CA10: variants seen among roughly 807,000 people sequenced by gnomAD.
CA10 encodes carbonic anhydrase 10 (inactive).
Under a neutral mutation model 44.2 loss-of-function variants are expected in CA10, and 14 were observed. The ratio of observed to expected loss-of-function variants is 0.32; its 90% confidence interval spans 0.21 to 0.50. The LOEUF (loss-of-function observed/expected upper bound fraction) is 0.50, where lower values mean the gene tolerates loss of function less well. CA10 is among the 20% of genes least tolerant of loss of function. The pLI is 0.99. For missense variants in CA10, 350 were observed against 409.7 expected (o/e 0.85, Z 1.26); for synonymous variants, 159 against 141.6 (o/e 1.12, Z -0.87).
chr17:51,893,064 TGTC>T (rs1242237591), intron 3 of CA10, among the ~76,000 whole-genome samples: 5 of 152,188 alleles, frequency 3.3e-5, no homozygotes, highest in East Asian at 3.8e-4. Context: ...TTATTATTCT[TGTC>T]ATCATCAGTA....
intron 1 of CA10, among the ~76,000 whole-genome samples, chr17:52,108,194 T>TTTATATATATATA (rs1988705947): frequency 5.2e-5 from 3 of 58,038 alleles, no homozygotes; most frequent in Admixed American, 1.9e-4. Context: ...TATATATTTT[T>TTTATATATATATA]TATATATATA....
At chr17:51,797,850 C>CAAAAAAAAA (rs58344941) in intron 3 of CA10, among the ~76,000 whole-genome samples, 3 of 73,764 alleles carry the variant, frequency 4.1e-5, no homozygotes, top group Admixed American at 2.0e-4. Context: ...GGCTCCATCT[C>CAAAAAAAAA]AAAAAAAAAA....
chr17:52,062,811 A>C (rs1200570250), intron 2 of CA10, among the ~76,000 whole-genome samples: 1 of 152,244 alleles, frequency 6.6e-6, no homozygotes, highest in East Asian at 1.9e-4. Context: ...AGCCTTCTGC[A>C]GGGAAGGAGC....
At chr17:51,972,622 GAT>G (rs1192718558) in intron 2 of CA10, among the ~76,000 whole-genome samples, 1 of 152,060 alleles carries the variant, frequency 6.6e-6, no homozygotes, top group African/African-American at 2.4e-5. Context: ...TGTACTGGGT[GAT>G]CAAAAAGAGG....
In CA10 at chr17:51,635,236, G is replaced by A. The variant is rs192213402; in HGVS notation, c.789+619C>T. 9.2e-5 allele frequency among the ~76,000 whole-genome samples: 14 copies of A among 152,292 alleles called. No individual in the cohort carries two copies. The East Asian group carries it at 2.7e-3, about 29-fold the overall frequency. On this transcript the variant is annotated intron_variant, in intron 7 of 8. Transcript: ENST00000451037. ...CTTATAAAGATGGAGGTAGAGGCTG[G>A]GTGTGGTGGCTCACGCCTGTAATCC...
chr17:51,900,458 A>G (rs923517645), intron 3 of CA10, among the ~76,000 whole-genome samples: 1 of 151,926 alleles, frequency 6.6e-6, no homozygotes, highest in Non-Finnish European at 1.5e-5. Context: ...TTACTTTAAC[A>G]TTTGTTTCTT....
chr17:51,754,443 A>ATT (rs1905016700), intron 3 of CA10, among the ~76,000 whole-genome samples: 1 of 108,430 alleles, frequency 9.2e-6, no homozygotes, highest in African/African-American at 3.3e-5. Context: ...ATATATATAT[A>ATT]TATATCACGT....
In CA10 at chr17:52,025,090, C is replaced by T. The variant is rs554981059; in HGVS notation, c.136+47229G>A. On this transcript the variant is annotated intron_variant, in intron 2 of 8. Coordinates refer to ENST00000451037, the MANE Select transcript of CA10 (RefSeq NM_020178.5). ...AAACCTTCCCTCCCAACCCCTGGTCCATGGAAAAAAATGTCTTAAATATAC... is the reference window on the plus strand; with the variant it reads ...AAACCTTCCCTCCCAACCCCTGGTCTATGGAAAAAAATGTCTTAAATATAC... Among the ~76,000 whole-genome samples, 3 of 151,812 alleles carry T rather than the reference C, an allele frequency of 2.0e-5. No individual in the cohort carries two copies. In the South Asian group the frequency reaches 6.2e-4, roughly 32 times the overall value.
At chr17:52,155,522 C>T (rs1251142533) in intron 1 of CA10, among the ~76,000 whole-genome samples, 1 of 152,146 alleles carries the variant, frequency 6.6e-6, no homozygotes. Context: ...AATCATATTA[C>T]TAATAATAAT....
At chr17:52,125,172 G>T (rs550090604) in intron 1 of CA10, among the ~76,000 whole-genome samples, 1 of 152,230 alleles carries the variant, frequency 6.6e-6, no homozygotes. Flanking sequence ...CTGAGTCAGC[G>T]TTGGTGTCAG....
intron 4 of CA10, among the ~76,000 whole-genome samples, chr17:51,664,576 G>GA (rs1914143278): frequency 1.4e-5 from 2 of 147,080 alleles, no homozygotes; most frequent in Non-Finnish European, 3.0e-5. Flanking sequence ...AAAAAAAATA[G>GA]AATCTAATGC....
chr17:52,090,562 T>C (rs1181771154), intron 1 of CA10, among the ~76,000 whole-genome samples: 2 of 152,142 alleles, frequency 1.3e-5, no homozygotes, highest in East Asian at 3.8e-4. Flanking sequence ...CAAAAATTAT[T>C]ATATTTGTCA....
chr17:51,764,167 AT>A, intron 3 of CA10, among the ~76,000 whole-genome samples: 1 of 152,292 alleles, frequency 6.6e-6, no homozygotes, highest in East Asian at 1.9e-4. Context: ...TGAAACTCTT[AT>A]CATTGTCTCC....
At chr17:51,830,857 C>G (rs1908214518) in intron 3 of CA10, among the ~76,000 whole-genome samples, 1 of 152,148 alleles carries the variant, frequency 6.6e-6, no homozygotes, top group Non-Finnish European at 1.5e-5. Flanking sequence ...GTCCTCCCTG[C>G]TCAAAAACAG....
intron 2 of CA10, among the ~76,000 whole-genome samples, chr17:51,997,631 C>G (rs1985282586): frequency 6.6e-6 from 1 of 152,054 alleles, no homozygotes; most frequent in African/African-American, 2.4e-5. Context: ...GGATGGAAAA[C>G]TCATCTGGAG....
At chr17:52,093,115 A>G (rs1321164790) in intron 1 of CA10, among the ~76,000 whole-genome samples, 1 of 152,174 alleles carries the variant, frequency 6.6e-6, no homozygotes, top group African/African-American at 2.4e-5. Context: ...GTGAGGACAT[A>G]CTGTTCATAT....
intron 3 of CA10, among the ~76,000 whole-genome samples, chr17:51,822,910 A>G (rs933764340): frequency 2.0e-5 from 3 of 152,212 alleles, no homozygotes; most frequent in African/African-American, 4.8e-5. Context: ...AGATGGAATG[A>G]CAGCCAGAAT....
chr17:51,834,183 C>T (rs1908390488), intron 3 of CA10, among the ~76,000 whole-genome samples: 1 of 152,116 alleles, frequency 6.6e-6, no homozygotes, highest in Non-Finnish European at 1.5e-5. Flanking sequence ...ACTTAATCAG[C>T]CTTCAAATTG....
intron 2 of CA10, among the ~76,000 whole-genome samples, chr17:51,989,864 C>T (rs1479018851): frequency 6.6e-6 from 1 of 152,142 alleles, no homozygotes; most frequent in Non-Finnish European, 1.5e-5. Flanking sequence ...TCATGTCCAT[C>T]ATTCCTCCAA....
Sources: gnomAD v4.1 joint callset for allele counts (sites outside exome capture counted in the v4.1 genomes callset) on GRCh38, gnomAD v4.1.1 for gene constraint, MANE v1.5 for transcripts, NCBI Gene and HGNC (gene_info 2026-07-23, HGNC 2026-07-21) for gene names.